The following LRMDA variants were observed in gnomAD, a reference collection of about 807,000 sequenced individuals.
LRMDA encodes leucine rich melanocyte differentiation associated, also known as leucine-rich melanocyte differentiation-associated protein.
LRMDA carries 18 observed loss-of-function variants against 29.8 expected under a neutral mutation model. The observed-to-expected ratio is 0.60, with a 90% CI of 0.42 to 0.90. The LOEUF (loss-of-function observed/expected upper bound fraction) is 0.90. Ranked by LOEUF, LRMDA falls within the 40% of genes least tolerant of loss-of-function variation. The pLI is 0.00. For synonymous variants in LRMDA, 125 were observed against 109.4 expected, an observed-to-expected ratio of 1.14 and a Z score of -0.89; for missense variants, 273 against 273.9, an observed-to-expected ratio of 1.00 and a Z score of 0.02.
intron 5 of LRMDA, among the ~76,000 whole-genome samples, chr10:76,179,705 G>A (rs1188251844): frequency 6.6e-6 from 1 of 152,182 alleles, no homozygotes; most frequent in African/African-American, 2.4e-5. Flanking sequence ...TGAAGAGCGA[G>A]TTTGACTCAA....
chr10:75,820,154 G>A (rs1589217793), intron 2 of LRMDA, among the ~76,000 whole-genome samples: 1 of 152,176 alleles, frequency 6.6e-6, no homozygotes, highest in East Asian at 1.9e-4. Context: ...TAGACCAAAT[G>A]GACCTAATGG....
intron 6 of LRMDA, among the ~76,000 whole-genome samples, chr10:76,398,753 C>T (rs1290770037): frequency 6.6e-6 from 1 of 152,180 alleles, no homozygotes; most frequent in Non-Finnish European, 1.5e-5. Flanking sequence ...TACCAGATAA[C>T]AACTGGGAAG....
At chr10:75,535,454 T>C (rs1458810749) in intron 2 of LRMDA, among the ~76,000 whole-genome samples, 2 of 152,202 alleles carry the variant, frequency 1.3e-5, no homozygotes, top group Non-Finnish European at 2.9e-5. Context: ...TAAAGATTTG[T>C]TATTCAAGCC....
At chr10:75,962,992 A>C (rs1435100529) in intron 2 of LRMDA, among the ~76,000 whole-genome samples, 1 of 152,226 alleles carries the variant, frequency 6.6e-6, no homozygotes, top group Non-Finnish European at 1.5e-5. Context: ...GGTTCAGGGA[A>C]GACCAATTAG....
chr10:76,203,672 C>G (rs964495709), intron 5 of LRMDA, among the ~76,000 whole-genome samples: 2 of 151,798 alleles, frequency 1.3e-5, no homozygotes, highest in African/African-American at 4.8e-5. Context: ...CCACCCATCT[C>G]TATTCCATGT....
At chr10:76,265,293 T>C (rs1411326001) in intron 5 of LRMDA, among the ~76,000 whole-genome samples, 2 of 152,182 alleles carry the variant, frequency 1.3e-5, no homozygotes, top group Non-Finnish European at 2.9e-5. Flanking sequence ...AGTTCTTTCT[T>C]TGAGGGCAAT....
intron 6 of LRMDA, among the ~76,000 whole-genome samples, chr10:76,352,860 G>A (rs1254681718): frequency 2.6e-5 from 4 of 152,092 alleles, no homozygotes; most frequent in Non-Finnish European, 4.4e-5. Flanking sequence ...CAGGTCAGAT[G>A]GGAGGATGTT....
chr10:76,391,244 TG>T (rs1841720826), intron 6 of LRMDA, among the ~76,000 whole-genome samples: 1 of 152,190 alleles, frequency 6.6e-6, no homozygotes, highest in African/African-American at 2.4e-5. Flanking sequence ...TGAAGGTGGT[TG>T]TTCACTCCCT....
chr10:76,544,264 T>C (rs533671579), intron 6 of LRMDA, among the ~76,000 whole-genome samples: 2 of 152,314 alleles, frequency 1.3e-5, no homozygotes, highest in African/African-American at 4.8e-5. Flanking sequence ...GAGGCTCACA[T>C]TGGCCCATGG....
At chr10:75,432,740 G>C (rs891576111) in intron 1 of LRMDA, among the ~76,000 whole-genome samples, 6 of 152,192 alleles carry the variant, frequency 3.9e-5, no homozygotes, top group African/African-American at 7.2e-5. Context: ...GAGATTCTAG[G>C]GGTTTTTACA....
At chr10:75,799,386 T>C (rs181996703) in intron 2 of LRMDA, among the ~76,000 whole-genome samples, 5 of 152,212 alleles carry the variant, frequency 3.3e-5, no homozygotes, top group Non-Finnish European at 7.3e-5. Context: ...TTATGTGTAC[T>C]TTTTTTGCAG....
At chr10:75,617,160 C>T (rs113148224) in intron 2 of LRMDA, among the ~76,000 whole-genome samples, 343 of 152,208 alleles carry the variant, frequency 2.3e-3, no homozygotes, top group African/African-American at 7.9e-3. Flanking sequence ...ACCTCCAAGG[C>T]GTATGTGCAT....
intron 2 of LRMDA, among the ~76,000 whole-genome samples, chr10:75,507,110 CTTT>C (rs147220513): frequency 6.9e-6 from 1 of 144,338 alleles, no homozygotes; most frequent in Non-Finnish European, 1.5e-5. Flanking sequence ...GTTCTGGCAT[CTTT>C]TTTTTTTTTT....
chr10:76,243,502 A>G (rs759144722), intron 5 of LRMDA, among the ~76,000 whole-genome samples: 1 of 152,288 alleles, frequency 6.6e-6, no homozygotes, highest in South Asian at 2.1e-4. Flanking sequence ...GGAGTCAATC[A>G]TTTGATGTTT....
At chr10:75,622,504 T>C (rs570986117) in intron 2 of LRMDA, among the ~76,000 whole-genome samples, 21 of 152,302 alleles carry the variant, frequency 1.4e-4, no homozygotes, top group Admixed American at 6.5e-5. Context: ...TTTTTAGCTG[T>C]GATTGCAGTC....
chr10:76,282,063 TC>T (rs1840213498), intron 5 of LRMDA, among the ~76,000 whole-genome samples: 1 of 152,222 alleles, frequency 6.6e-6, no homozygotes, highest in Admixed American at 6.5e-5. Flanking sequence ...TTTATTTCTG[TC>T]CCCAGATGTC....
chr10:76,091,307 G>A (rs867565715), intron 5 of LRMDA, among the ~76,000 whole-genome samples: 4 of 111,030 alleles, frequency 3.6e-5, no homozygotes, highest in African/African-American at 1.2e-4. Flanking sequence ...GTGTGTGTGT[G>A]TGTGTGTGTG....
chr10:75,849,771 A>T (rs979374275), intron 2 of LRMDA, among the ~76,000 whole-genome samples: 20 of 152,310 alleles, frequency 1.3e-4, no homozygotes, highest in African/African-American at 2.4e-4. Context: ...ATAAAAATTT[A>T]AAAAAGCCCT....
intron 6 of LRMDA, among the ~76,000 whole-genome samples, chr10:76,456,760 T>C (rs1842460713): frequency 6.6e-6 from 1 of 152,142 alleles, no homozygotes; most frequent in African/African-American, 2.4e-5. Flanking sequence ...CAGCCTGTCC[T>C]TTCTACCTTC....
Sources: gnomAD v4.1 joint callset for allele counts (sites outside exome capture counted in the v4.1 genomes callset) on GRCh38, gnomAD v4.1.1 for gene constraint, MANE v1.5 for transcripts, NCBI Gene and HGNC (gene_info 2026-07-23, HGNC 2026-07-21) for gene names.